PRDM7: variants seen among roughly 807,000 people sequenced by gnomAD.
The protein encoded by PRDM7 is histone-lysine N-methyltransferase PRDM7.
PRDM7 carries 52 observed loss-of-function variants against 64.3 expected under a neutral mutation model. The observed-to-expected ratio is 0.81, with a 90% CI of 0.65 to 1.02. The LOEUF (loss-of-function observed/expected upper bound fraction) is 1.02. PRDM7 is among the 50% of genes least tolerant of loss of function. The probability of loss-of-function intolerance (pLI) is 0.00; values close to 1 mark genes in which losing one functional copy is unlikely to be tolerated. For missense variants in PRDM7, 574 were observed against 597.1 expected, an observed-to-expected ratio of 0.96 and a Z score of 0.40; for synonymous variants, 192 against 210.1, an observed-to-expected ratio of 0.91 and a Z score of 0.74.
chr16:90,074,525 G>C (rs1240566765), intron 4 of PRDM7, among the ~76,000 whole-genome samples: 1 of 151,012 alleles, frequency 6.6e-6, no homozygotes, highest in Non-Finnish European at 1.5e-5. Flanking sequence ...GCAGTGAGCC[G>C]AGATTCTACC....
intron 5 of PRDM7, among the ~76,000 whole-genome samples, chr16:90,066,099 C>A (rs1402805373): frequency 6.6e-6 from 1 of 151,334 alleles, no homozygotes; most frequent in Non-Finnish European, 1.5e-5. Context: ...GAAATTGGTT[C>A]CAGAAGAATA....
At chr16:90,058,649 C>G (rs1453598977) in intron 10 of PRDM7, 115 bp from the exon 11 acceptor site, 10 of 1,287,570 alleles carry the variant, frequency 7.8e-6, no homozygotes, top group Middle Eastern at 1.8e-4. Flanking sequence ...AATGCAAGCT[C>G]TCTCCCACCA....
chr16:90,077,023 G>C (rs1205770162), intron 1 of PRDM7, among the ~76,000 whole-genome samples: 1 of 151,966 alleles, frequency 6.6e-6, no homozygotes, highest in Non-Finnish European at 1.5e-5. Flanking sequence ...TAAGCATTAG[G>C]AGATTCGATG....
Position 90,057,623 on chromosome 16 carries a change from G to T in PRDM7, c.*666C>A, listed in dbSNP as rs930999652. 2 of 946,496 alleles carry T rather than the reference G, an allele frequency of 2.1e-6. No individual in the cohort carries two copies. Among genetic ancestry groups the T allele is most frequent in the African/African-American group, 1.7e-5 (1 of 57,894 alleles). 58.6% of individuals were successfully genotyped at this position (946,496 alleles called of 1,614,324 possible). ...ACAACCACACATGTTGACGTCCCCC[G>T]AACACTTACAGAACTATCCCCTGTT... On this transcript the variant is annotated 3_prime_UTR_variant, in exon 11 of 11. Coordinates refer to ENST00000449207, the MANE Select transcript of PRDM7 (RefSeq NM_001098173.2).
intron 6 of PRDM7, among the ~76,000 whole-genome samples, chr16:90,063,086 A>T (rs148638687): frequency 6.6e-6 from 1 of 152,196 alleles, no homozygotes; most frequent in Non-Finnish European, 1.5e-5. Flanking sequence ...CAAGGCCCCA[A>T]TGCTTCTGTG....
chr16:90,071,431 G>C (rs190452132), intron 4 of PRDM7, among the ~76,000 whole-genome samples: 88 of 152,290 alleles, frequency 5.8e-4, no homozygotes, highest in Middle Eastern at 3.4e-3. Flanking sequence ...GCCTGGCCCA[G>C]AGTGGGTAAT....
rs780327464 is a variant in PRDM7 at position 90,061,553 on chromosome 16, G to T, written c.883-34C>A. The T allele has an allele frequency of 1.9e-6, 3 of 1,554,494 alleles. No homozygotes were observed. The East Asian group carries it at 6.7e-5, about 35-fold the overall frequency. On this transcript the variant is annotated intron_variant, in intron 8 of 10. Coordinates refer to ENST00000449207, the MANE Select transcript of PRDM7 (RefSeq NM_001098173.2). Reference sequence around the variant, plus strand: ...CAAAAAATAAGGTAAAGACTTTTTAGAGGGTAAAAATCCGAAGAATTATTT... The same window carrying T: ...CAAAAAATAAGGTAAAGACTTTTTATAGGGTAAAAATCCGAAGAATTATTT...
At position 90,058,496 on chromosome 16, in the gene PRDM7, G is replaced by C. The variant is rs1181866658; in HGVS notation, c.1272C>G (p.Val424=). 6.2e-7 allele frequency: 1 copy of C among 1,614,080 alleles called. No homozygotes were observed. Among genetic ancestry groups the C allele is most frequent in the Non-Finnish European group, 8.5e-7 (1 of 1,180,052 alleles). ...AGAAATTTTTGACTTGAAAAGGCCA[G>C]ACAGCATGAGGGACATGGATGGATC... ...SQRSIHVPHA[V]WPFQVKNFSV... The change falls in exon 11 of 11, where the codon GTC becomes GTG. Residue 424 remains valine (V), a synonymous_variant. Coordinates refer to ENST00000449207, the MANE Select transcript of PRDM7 (RefSeq NM_001098173.2).
intron 4 of PRDM7, among the ~76,000 whole-genome samples, chr16:90,073,063 G>A (rs569281472): frequency 1.5e-4 from 23 of 152,174 alleles, no homozygotes; most frequent in South Asian, 6.2e-4. Context: ...TATAATTATG[G>A]TACATTATTT....
At chr16:90,058,930 C>T (rs568632692) in intron 10 of PRDM7, among the ~76,000 whole-genome samples, 33 of 152,206 alleles carry the variant, frequency 2.2e-4, no homozygotes, top group Non-Finnish European at 3.7e-4. Flanking sequence ...ACTTTTGCGA[C>T]GCGAGGTTTT....
chr16:90,061,820 T>C, intron 8 of PRDM7, 101 bp downstream of exon 8: 3 of 1,554,318 alleles, frequency 1.9e-6, no homozygotes, highest in Non-Finnish European at 2.6e-6. Flanking sequence ...GCTAACCATG[T>C]TATCCCTACC....
intron 4 of PRDM7, among the ~76,000 whole-genome samples, chr16:90,067,651 C>T (rs1188891328): frequency 6.0e-5 from 8 of 133,528 alleles, no homozygotes; most frequent in Non-Finnish European, 1.1e-4. Flanking sequence ...AGTGCAGGGG[C>T]GCGAGGTCGG....
In PRDM7 at chr16:90,057,270, TC is replaced by T; in HGVS notation, c.*1018del. ...GGAGTATGGCAGCAGAGGAGAGGGG[TC>T]CATTAGAAGAGGTCACACTTCCCAG... is the stretch of plus-strand genomic sequence containing the variant. On this transcript the variant is annotated 3_prime_UTR_variant, in exon 11 of 11. Transcript: ENST00000449207. 1 of 152,318 alleles carries T rather than the reference TC, an allele frequency of 6.6e-6. No homozygotes were observed. Among genetic ancestry groups the T allele is most frequent in the Admixed American group, 6.5e-5 (1 of 15,440 alleles). 9.4% of individuals were successfully genotyped at this position (152,318 alleles called of 1,614,324 possible).
chr16:90,061,954 G>C lies in PRDM7; in HGVS notation c.849C>G (p.Asp283Glu), dbSNP rs748644131. 6.2e-7 allele frequency: 1 copy of C among 1,614,250 alleles called. No individual in the cohort carries two copies. ...FGPYEGRITE[D>E]EEAANSGYSW... ...AATATCCACTGTTGGCTGCCTCTTC[G>C]TCTTCTGTAATTCGGCCCTCATAGG... Residue 283 changes from aspartate (D) to glutamate (E), a missense_variant, in exon 8 of 11, where the codon GAC becomes GAG. By Grantham distance (45) the Asp-to-Glu change is conservative. Coordinates refer to ENST00000449207, the MANE Select transcript of PRDM7 (RefSeq NM_001098173.2).
In PRDM7 at chr16:90,062,008, A is replaced by G; in HGVS notation, c.795T>C (p.Ser265=). 6.2e-7 allele frequency: 1 copy of G among 1,614,260 alleles called. No individual in the cohort carries two copies. The highest frequency in any genetic ancestry group is 8.5e-7 in the Non-Finnish European group (1 of 1,180,052). The change falls in exon 8 of 11, where the codon TCT becomes TCC. Residue 265 remains serine, a synonymous_variant. Coordinates refer to ENST00000449207, the MANE Select transcript of PRDM7 (RefSeq NM_001098173.2). ...QAGLGVWNEA[S]DLPLGLHFGP... is the part of the protein sequence containing the mutation. ...CAAAGTGCAGACCCAGTGGCAGATCAGATGCCTCGTTCCATACTCCAAGCC... is the reference window on the plus strand; with the variant it reads ...CAAAGTGCAGACCCAGTGGCAGATCGGATGCCTCGTTCCATACTCCAAGCC...
chr16:90,067,861 A>C (rs1163969906), intron 4 of PRDM7, among the ~76,000 whole-genome samples: 1 of 151,160 alleles, frequency 6.6e-6, no homozygotes, highest in African/African-American at 2.5e-5. Context: ...AAGTGCTGGG[A>C]TTACAGGCGT....
In PRDM7 at chr16:90,064,872, C is replaced by T. The variant is rs540442898; in HGVS notation, c.352-1104G>A. On this transcript the variant is annotated intron_variant, in intron 5 of 10. Coordinates refer to ENST00000449207, the MANE Select transcript of PRDM7 (RefSeq NM_001098173.2). ...TAGTTGGGATTACAGGTGTCCACCA[C>T]CATGCCCAGCTGATTTTTGTAGTTT... is the stretch of plus-strand genomic sequence containing the variant. 2.7e-5 allele frequency among the ~76,000 whole-genome samples: 4 copies of T among 150,590 alleles called. No individual in the cohort carries two copies. The South Asian group carries it at 8.3e-4, about 31-fold the overall frequency.
intron 6 of PRDM7, 96 bp from the exon 7 acceptor site, chr16:90,062,598 A>T: frequency 1.8e-6 from 2 of 1,101,624 alleles, no homozygotes; most frequent in Non-Finnish European, 1.4e-6. Flanking sequence ...TCAAATTAGC[A>T]TCTACCTTTC....
At chr16:90,061,813 A>G in intron 8 of PRDM7, 108 bp downstream of exon 8, 3 of 1,525,640 alleles carry the variant, frequency 2.0e-6, no homozygotes, top group Non-Finnish European at 2.7e-6. Flanking sequence ...ACACAGAGCT[A>G]ACCATGTTAT....
Sources: gnomAD v4.1 joint callset for allele counts (sites outside exome capture counted in the v4.1 genomes callset) on GRCh38, gnomAD v4.1.1 for gene constraint, MANE v1.5 for transcripts, NCBI Gene and HGNC (gene_info 2026-07-23, HGNC 2026-07-21) for gene names.